The following SCLT1 variants were observed in gnomAD, a reference collection of about 807,000 sequenced individuals.
The protein encoded by SCLT1 is sodium channel and clathrin linker 1.
A neutral mutation model predicts 112.8 loss-of-function variants in SCLT1; 78 were observed. That is an observed-to-expected ratio of 0.69 (90% CI 0.58 to 0.83). SCLT1 has a LOEUF of 0.83. Among genes scored for constraint, SCLT1 ranks in the 40% least tolerant of loss-of-function variants. The pLI is 0.00. For synonymous variants in SCLT1, 257 were observed against 254.7 expected (o/e 1.01, Z -0.09); for missense variants, 747 against 770.4 (o/e 0.97, Z 0.36).
chr4:129,065,226 A>G (rs1437218909), intron 2 of SCLT1, among the ~76,000 whole-genome samples: 2 of 151,958 alleles, frequency 1.3e-5, no homozygotes, highest in Non-Finnish European at 2.9e-5. Context: ...TTTCTTAGTT[A>G]AATCTATTTC....
At chr4:129,063,161 T>A (rs887456285) in intron 2 of SCLT1, among the ~76,000 whole-genome samples, 1 of 152,260 alleles carries the variant, frequency 6.6e-6, no homozygotes, top group African/African-American at 2.4e-5. Context: ...TCAAGTGTAA[T>A]GCTAAAGCTC....
At chr4:128,907,895 C>G (rs988837298) in intron 18 of SCLT1, among the ~76,000 whole-genome samples, 2 of 151,976 alleles carry the variant, frequency 1.3e-5, no homozygotes, top group African/African-American at 2.4e-5. Context: ...TTAAATAAAA[C>G]AAATAAAAGA....
chr4:128,875,112 T>C (rs1732475783), intron 4 of SCLT1: 1 of 152,638 alleles, frequency 6.6e-6, no homozygotes, highest in African/African-American at 2.4e-5. Flanking sequence ...TACCCCCTTT[T>C]TGAAAGTATT....
At chr4:128,948,448 A>G (rs1206010916) in intron 15 of SCLT1, 48 bp downstream of exon 15, 3 of 1,587,320 alleles carry the variant, frequency 1.9e-6, no homozygotes, top group Non-Finnish European at 2.6e-6. Context: ...GTAATGTTGC[A>G]TATTTGCAGT....
chr4:129,091,437 T>C (rs1752813225), intron 1 of SCLT1, among the ~76,000 whole-genome samples: 1 of 152,036 alleles, frequency 6.6e-6, no homozygotes, highest in Non-Finnish European at 1.5e-5. Flanking sequence ...TATTTGGATC[T>C]CAGTTTTATC....
chr4:128,965,101 C>T, intron 11 of SCLT1, 126 bp downstream of exon 11: 3 of 572,514 alleles, frequency 5.2e-6, no homozygotes, highest in Non-Finnish European at 6.2e-6. Context: ...AGATTTTACA[C>T]CTATGATTAT....
At chr4:128,996,884 T>C (rs1047863562) in intron 8 of SCLT1, among the ~76,000 whole-genome samples, 3 of 152,004 alleles carry the variant, frequency 2.0e-5, no homozygotes, top group Non-Finnish European at 4.4e-5. Flanking sequence ...CTCTGTGATA[T>C]GATATATCAA....
chr4:129,089,488 T>C (rs1176991423), intron 1 of SCLT1, among the ~76,000 whole-genome samples: 1 of 152,146 alleles, frequency 6.6e-6, no homozygotes, highest in Non-Finnish European at 1.5e-5. Flanking sequence ...AGAAATACCA[T>C]TTGACCCAGC....
intron 2 of SCLT1, among the ~76,000 whole-genome samples, chr4:129,059,558 T>G (rs1749764079): frequency 6.6e-6 from 1 of 152,200 alleles, no homozygotes; most frequent in South Asian, 2.1e-4. Context: ...TGGTCATGAA[T>G]TTTCTCAGTT....
chr4:129,019,528 C>A (rs756040460), intron 5 of SCLT1, among the ~76,000 whole-genome samples: 2 of 152,054 alleles, frequency 1.3e-5, no homozygotes, highest in Non-Finnish European at 2.9e-5. Context: ...GAGAGTCAGA[C>A]AAATATAGTG....
chr4:128,957,236 C>T, intron 12 of SCLT1, 112 bp from the exon 13 acceptor site: 1 of 571,800 alleles, frequency 1.7e-6, no homozygotes, highest in South Asian at 2.6e-5. Flanking sequence ...TGGGACATCT[C>T]TACTTGAATA....
chr4:128,970,073 T>C (rs973600224), intron 10 of SCLT1, among the ~76,000 whole-genome samples: 4 of 152,212 alleles, frequency 2.6e-5, no homozygotes, highest in Admixed American at 2.0e-4. Context: ...TAAATGCTTG[T>C]TTTCCACCTG....
intron 2 of SCLT1, 137 bp downstream of exon 2, chr4:129,082,169 T>A: frequency 2.4e-6 from 1 of 414,742 alleles, no homozygotes; most frequent in Non-Finnish European, 4.3e-6. Context: ...GGGCAATTTC[T>A]ATTGTCAAAA....
In SCLT1 at chr4:129,012,009, G is replaced by A. The variant is rs567705751; in HGVS notation, c.291-8133C>T. On this transcript the variant is annotated intron_variant, in intron 5 of 20. Transcript: ENST00000281142. ...TTCTGTGTTCTTTGATCTTCTGGAT[G>A]TTTTTTTGTGTCTGAATCTCCCTCA... is the stretch of plus-strand genomic sequence containing the variant. 1.1e-4 allele frequency among the ~76,000 whole-genome samples: 16 copies of A among 152,134 alleles called. No individual in the cohort carries two copies. The South Asian group carries it at 2.7e-3, about 26-fold the overall frequency.
chr4:129,039,999 G>A (rs1207497534), intron 4 of SCLT1: 3 of 569,138 alleles, frequency 5.3e-6, no homozygotes, highest in Non-Finnish European at 9.5e-6. Flanking sequence ...TCATGATTGT[G>A]TATTAGTCTT....
At chr4:129,065,195 A>C (rs777630264) in intron 2 of SCLT1, among the ~76,000 whole-genome samples, 16 of 151,926 alleles carry the variant, frequency 1.1e-4, no homozygotes, top group Non-Finnish European at 2.1e-4. Flanking sequence ...TAACTCCTTC[A>C]CTTATTTATC....
intron 10 of SCLT1, 46 bp downstream of exon 10, chr4:128,970,332 G>A: frequency 9.6e-7 from 1 of 1,044,338 alleles, no homozygotes; most frequent in Non-Finnish European, 1.5e-6. Flanking sequence ...AAAATAGAAA[G>A]AAAACTAAGC....
chr4:129,009,440 G>A (rs1435142437), intron 5 of SCLT1, among the ~76,000 whole-genome samples: 10 of 151,940 alleles, frequency 6.6e-5, no homozygotes, highest in African/African-American at 1.7e-4. Context: ...TGTGAACCCA[G>A]GAGGCGGAGC....
At chr4:128,878,363 T>C (rs1732568198) in intron 3 of SCLT1, among the ~76,000 whole-genome samples, 2 of 152,218 alleles carry the variant, frequency 1.3e-5, no homozygotes, top group African/African-American at 4.8e-5. Flanking sequence ...TCTGGGGTGA[T>C]TGATAGTTCT....
Sources: gnomAD v4.1 joint callset for allele counts (sites outside exome capture counted in the v4.1 genomes callset) on GRCh38, gnomAD v4.1.1 for gene constraint, MANE v1.5 for transcripts, NCBI Gene and HGNC (gene_info 2026-07-23, HGNC 2026-07-21) for gene names.